APBB1: variants seen among roughly 807,000 people sequenced by gnomAD.
APBB1 encodes adaptor protein FE65a2.
APBB1 carries 22 observed loss-of-function variants against 78.4 expected under a neutral mutation model. The ratio of observed to expected loss-of-function variants is 0.28; its 90% CI spans 0.20 to 0.40. The LOEUF (loss-of-function observed/expected upper bound fraction) is 0.40, where lower values mean the gene tolerates loss of function less well. Among genes scored for constraint, APBB1 ranks in the 10% least tolerant of loss-of-function variants. APBB1 has a pLI of 1.00. For synonymous variants in APBB1, 369 were observed against 372.7 expected (o/e 0.99, Z 0.12); for missense variants, 749 against 932.4 (o/e 0.80, Z 2.56).
At chr11:6,404,711 C>T (rs564821026) in intron 2 of APBB1, 1 of 1,536,168 alleles carries the variant, frequency 6.5e-7, no homozygotes, top group South Asian at 1.2e-5. Flanking sequence ...TCAGCCCCAC[C>T]CCACATGAGG....
Position 6,401,578 on chromosome 11 carries a change from G to A in APBB1, c.1499C>T (p.Ser500Phe). The change falls in exon 10 of 15, where the codon TCT becomes TTT. Residue 500 changes from serine to phenylalanine, a missense_variant. Ser to Phe is a radical substitution (Grantham distance 155). Coordinates refer to ENST00000609360, the MANE Select transcript of APBB1 (RefSeq NM_001164.5). This position sits in a 1 kb window ranked among gnomAD's most constrained non-coding sequence, Gnocchi z 4.5. ...AGGGAGTGGAGGGGGCCGTGCCTTA[G>A]AGCAGATCTCATGCAGGCTGGTGGC... is the stretch of plus-strand genomic sequence containing the variant. ...NIATSLHEICSKIMAERRNAR... is the reference protein window; with the variant it reads ...NIATSLHEICFKIMAERRNAR... 1 of 1,614,160 alleles carries A rather than the reference G, an allele frequency of 6.2e-7. No homozygotes were observed. Among genetic ancestry groups the A allele is most frequent in the Non-Finnish European group, 8.5e-7 (1 of 1,180,038 alleles).
At position 6,401,250 on chromosome 11, in the gene APBB1, T is replaced by C. The variant is rs1469754578; in HGVS notation, c.1588+95A>G. Reference sequence around the variant, plus strand: ...GTATTCAGTCTTCATGTGTTCATTTTTCTATCAGCGCTGTCCAGGAGCTCA... The same window carrying C: ...GTATTCAGTCTTCATGTGTTCATTTCTCTATCAGCGCTGTCCAGGAGCTCA... On this transcript the variant is annotated intron_variant, in intron 11 of 14. Transcript: ENST00000609360. The surrounding 1 kb of genome is among the most constrained non-coding windows in gnomAD (Gnocchi z 4.5). 2.5e-6 allele frequency: 4 copies of C among 1,611,304 alleles called. No individual in the cohort carries two copies. The highest frequency in any genetic ancestry group is 2.5e-6 in the Non-Finnish European group (3 of 1,178,854).
intron 1 of APBB1, among the ~76,000 whole-genome samples, chr11:6,415,411 C>CT (rs1849093934): frequency 6.6e-6 from 1 of 152,212 alleles, no homozygotes; most frequent in South Asian, 2.1e-4. Context: ...GGTTCTTCCT[C>CT]TGGAGGAGTT....
rs141616781 is a variant in APBB1 at position 6,412,940 on chromosome 11, C to G, written c.-14-1579G>C. ...GACCCCTCCCTCTGCCTCCTCACAG[C>G]CCTTCGTGGGTCAGTTTCTCCGCAA... On this transcript the variant is annotated intron_variant, in intron 1 of 14. Coordinates refer to ENST00000609360, the MANE Select transcript of APBB1 (RefSeq NM_001164.5). Among the ~76,000 whole-genome samples, 882 of 152,202 alleles carry G rather than the reference C, an allele frequency of 5.8e-3. 11 individuals carry two copies. The highest frequency in any genetic ancestry group is 0.021 in the African/African-American group (856 of 41,510).
At chr11:6,416,800 G>A (rs373497110) in intron 1 of APBB1, among the ~76,000 whole-genome samples, 2 of 151,274 alleles carry the variant, frequency 1.3e-5, no homozygotes, top group African/African-American at 4.9e-5. Context: ...ACAGTGCAGT[G>A]GCAAGATCTC....
Position 6,403,979 on chromosome 11 carries a change from A to T in APBB1, c.722-157T>A. 2 of 773,746 alleles carry T rather than the reference A, an allele frequency of 2.6e-6. No individual in the cohort carries two copies. The highest frequency in any genetic ancestry group is 4.0e-4 in the Middle Eastern group (1 of 2,516). The allele number at this position is 773,746 out of a possible 1,614,324, so 47.9% of individuals were successfully genotyped here. A position where few individuals can be genotyped will look rare whatever the true frequency, so the allele number is the denominator to read the frequency against. Reference sequence around the variant, plus strand: ...CTTCTGCCTAGAGCCTATAGTCTGGAGTCACCACATGTGGGGCCACCAGTA... The same window carrying T: ...CTTCTGCCTAGAGCCTATAGTCTGGTGTCACCACATGTGGGGCCACCAGTA... On this transcript the variant is annotated intron_variant, in intron 2 of 14. Transcript: ENST00000609360. The surrounding 1 kb of genome is among the most constrained non-coding windows in gnomAD (Gnocchi z 5.3).
chr11:6,396,456 GCT>G (rs1848229201), intron 12 of APBB1: 1 of 484,440 alleles, frequency 2.1e-6, no homozygotes, highest in Non-Finnish European at 3.6e-6. Context: ...ATTTTCACCG[GCT>G]CTGCCTATTC....
intron 2 of APBB1, among the ~76,000 whole-genome samples, chr11:6,407,178 T>A (rs1048760464): frequency 2.0e-5 from 3 of 152,140 alleles, no homozygotes; most frequent in African/African-American, 7.2e-5. Flanking sequence ...AGCAACACAG[T>A]TGTAAAAGAG....
intron 7 of APBB1, 40 bp from the exon 8 acceptor site, chr11:6,402,249 A>G: frequency 6.2e-7 from 1 of 1,608,000 alleles, no homozygotes; most frequent in Non-Finnish European, 8.5e-7. Context: ...GACTCCAGCC[A>G]GGATGGTGGC....
At position 6,411,009 on chromosome 11, in the gene APBB1, C is replaced by T; in HGVS notation, c.339G>A (p.Leu113=). 1 of 1,614,174 alleles carries T rather than the reference C, an allele frequency of 6.2e-7. No homozygotes were observed. Among genetic ancestry groups the T allele is most frequent in the Non-Finnish European group, 8.5e-7 (1 of 1,180,044 alleles). ...PEMAPLGPKG[L]IHLYSELELS... is the part of the protein sequence containing the mutation. Reference sequence around the variant, plus strand: ...GCTCCAGCTCAGAGTACAGGTGTATCAGGCCTTTGGGGCCCAAGGGTGCCA... The same window carrying T: ...GCTCCAGCTCAGAGTACAGGTGTATTAGGCCTTTGGGGCCCAAGGGTGCCA... The change falls in exon 2 of 15, where the codon CTG becomes CTA. Residue 113 remains leucine (L), a synonymous_variant. Transcript: ENST00000609360. The surrounding 1 kb of genome is among the most constrained non-coding windows in gnomAD (Gnocchi z 5.2).
In APBB1 at chr11:6,404,953, C is replaced by T. The variant is rs533442456; in HGVS notation, c.722-1131G>A. The T allele has an allele frequency of 2.4e-5, 34 of 1,439,588 alleles. 1 individual carries two copies. Among genetic ancestry groups the T allele is most frequent in the Middle Eastern group, 2.6e-4 (1 of 3,900 alleles). The allele number at this position is 1,439,588 out of a possible 1,614,324, so 89.2% of individuals were successfully genotyped here. ...GCGTCTGCCAGGCAAGATCCTCCCCCGCTTGGAGCTTGCTAGGGAGGGGCC... is the reference window on the plus strand; with the variant it reads ...GCGTCTGCCAGGCAAGATCCTCCCCTGCTTGGAGCTTGCTAGGGAGGGGCC... On this transcript the variant is annotated intron_variant, in intron 2 of 14. Transcript: ENST00000609360.
In APBB1 at chr11:6,410,847, TTCA is replaced by T. The variant is rs761311639; in HGVS notation, c.498_500del (p.Asp166del). On this transcript the variant is annotated inframe_deletion, in exon 2 of 15. Transcript: ENST00000609360. ...GAGAAGATAAGTCCTCCTCCTCCTC[TTCA>T]TCATCATCATCCTCCTCCTCCTCCT... is the stretch of plus-strand genomic sequence containing the variant. 3.3e-5 allele frequency: 53 copies of T among 1,612,908 alleles called. No homozygotes were observed. Among genetic ancestry groups the T allele is most frequent in the Middle Eastern group, 1.7e-4 (1 of 6,026 alleles).
chr11:6,418,095 G>C (rs1000467816), intron 1 of APBB1, among the ~76,000 whole-genome samples: 1 of 152,164 alleles, frequency 6.6e-6, no homozygotes, highest in East Asian at 1.9e-4. Context: ...AAGACAGCTC[G>C]GGACAGAGCC....
At position 6,401,012 on chromosome 11, in the gene APBB1, T is replaced by C. The variant is rs779260081; in HGVS notation, c.1649A>G (p.Asn550Ser). ...ACCAACAGGTTTAGCAACAGGTACATTCCCCAGGTAATAGACTTGGAACTT... is the reference window on the plus strand; with the variant it reads ...ACCAACAGGTTTAGCAACAGGTACACTCCCCAGGTAATAGACTTGGAACTT... ...VQKFQVYYLG[N>S]VPVAKPVGVD... Residue 550 changes from asparagine to serine, a missense_variant, in exon 12 of 15, where the codon AAT becomes AGT. Coordinates refer to ENST00000609360, the MANE Select transcript of APBB1 (RefSeq NM_001164.5). This position sits in a 1 kb window ranked among gnomAD's most constrained non-coding sequence, Gnocchi z 4.5. The C allele has an allele frequency of 2.5e-6, 4 of 1,614,110 alleles. No individual in the cohort carries two copies. The Admixed American group carries it at 5.0e-5, about 20-fold the overall frequency.
Position 6,402,759 on chromosome 11 carries a change from G to A in APBB1, c.1105-34C>T, listed in dbSNP as rs767274740. On this transcript the variant is annotated intron_variant, in intron 6 of 14. Transcript: ENST00000609360. ...CACAGAAGAGGGGCAGGAGGTAGAG[G>A]ATCTGAGTCAAAACTGGAGAGTTCC... 13 of 1,612,918 alleles carry A rather than the reference G, an allele frequency of 8.1e-6. No homozygotes were observed. The African/African-American group carries it at 9.3e-5, about 12-fold the overall frequency.
intron 2 of APBB1, chr11:6,405,738 C>G: frequency 1.1e-6 from 1 of 943,420 alleles, no homozygotes; most frequent in Non-Finnish European, 1.3e-6. Flanking sequence ...CGCCTCTCCT[C>G]ACCCCCACTT....
chr11:6,417,042 C>A (rs1001757553), intron 1 of APBB1, among the ~76,000 whole-genome samples: 14 of 152,334 alleles, frequency 9.2e-5, no homozygotes, highest in Non-Finnish European at 1.8e-4. Context: ...TCACGCCTGG[C>A]CCTTAAGACC....
At chr11:6,418,637 CGCG>C (rs1849178550) in intron 1 of APBB1, among the ~76,000 whole-genome samples, 1 of 152,212 alleles carries the variant, frequency 6.6e-6, no homozygotes, top group South Asian at 2.1e-4. Context: ...CTGGAATCGG[CGCG>C]GCCTGCCAGC....
At chr11:6,407,351 C>T (rs1199830729) in intron 2 of APBB1, among the ~76,000 whole-genome samples, 1 of 152,166 alleles carries the variant, frequency 6.6e-6, no homozygotes, top group Admixed American at 6.5e-5. Flanking sequence ...TCCCCCTACT[C>T]CTAGAAGCTT....
Sources: gnomAD v4.1 joint callset for allele counts (sites outside exome capture counted in the v4.1 genomes callset) on GRCh38, gnomAD v4.1.1 for gene constraint, Gnocchi (gnomAD v3.1) non-coding constraint, MANE v1.5 for transcripts, NCBI Gene and HGNC (gene_info 2026-07-23, HGNC 2026-07-21) for gene names.